TBCA: variants seen among roughly 807,000 people sequenced by gnomAD.
The protein encoded by TBCA is tubulin folding cofactor A.
Under a neutral mutation model 15.8 loss-of-function variants are expected in TBCA, and 6 were observed. The ratio of observed to expected loss-of-function variants is 0.38; its 90% confidence interval spans 0.21 to 0.75. The LOEUF is 0.75. TBCA is among the 30% of genes least tolerant of loss of function. The pLI, the probability that TBCA is intolerant of heterozygous loss-of-function variation, is 0.46. For synonymous variants in TBCA, 32 were observed against 42.3 expected (o/e 0.76, Z 0.94); for missense variants, 90 against 131.2 (o/e 0.69, Z 1.53).
At chr5:77,755,446 G>A (rs930611837) in intron 1 of TBCA, among the ~76,000 whole-genome samples, 3 of 152,078 alleles carry the variant, frequency 2.0e-5, no homozygotes, top group Admixed American at 1.3e-4. Context: ...GTGTGGTGGT[G>A]CACGCCTGTA....
At chr5:77,697,015 T>C (rs1205640891) in intron 2 of TBCA, among the ~76,000 whole-genome samples, 1 of 152,190 alleles carries the variant, frequency 6.6e-6, no homozygotes, top group East Asian at 1.9e-4. Context: ...TGTTACATTA[T>C]CATAAAATTA....
At chr5:77,763,261 A>AAAAT (rs955138867) in intron 1 of TBCA, among the ~76,000 whole-genome samples, 2 of 151,964 alleles carry the variant, frequency 1.3e-5, no homozygotes, top group African/African-American at 2.4e-5. Flanking sequence ...ATAAATAAAT[A>AAAAT]AAATAAATAA....
chr5:77,704,679 A>T (rs1223007452), intron 2 of TBCA, among the ~76,000 whole-genome samples: 2 of 110,370 alleles, frequency 1.8e-5, no homozygotes, highest in South Asian at 3.4e-4. Context: ...TGTATATGAT[A>T]AAAAAAAAGA....
chr5:77,758,939 G>A (rs527299380), intron 1 of TBCA, among the ~76,000 whole-genome samples: 1 of 152,158 alleles, frequency 6.6e-6, no homozygotes, highest in Non-Finnish European at 1.5e-5. Context: ...TCACTTTAGT[G>A]TGACAACCGG....
At chr5:77,693,008 C>G (rs1324332745) in intron 3 of TBCA, 1 of 1,413,384 alleles carries the variant, frequency 7.1e-7, no homozygotes, top group African/African-American at 1.4e-5. Context: ...AATACTGGTA[C>G]TATCATAACT....
chr5:77,722,438 C>T (rs910081229), intron 1 of TBCA, among the ~76,000 whole-genome samples: 4 of 151,856 alleles, frequency 2.6e-5, no homozygotes, highest in East Asian at 1.9e-4. Flanking sequence ...CAAAAGTAAA[C>T]GAAAGTAACA....
intron 3 of TBCA, chr5:77,692,720 C>T: frequency 1.0e-6 from 1 of 989,670 alleles, no homozygotes; most frequent in Non-Finnish European, 1.2e-6. Context: ...GTTATTATTT[C>T]CTGCTTTATC....
chr5:77,760,269 T>C (rs1174374460), intron 1 of TBCA, among the ~76,000 whole-genome samples: 1 of 152,160 alleles, frequency 6.6e-6, no homozygotes, highest in East Asian at 1.9e-4. Context: ...AGGAAGTAAA[T>C]CCCTAGCCAG....
At chr5:77,704,178 C>G (rs1191155654) in intron 2 of TBCA, among the ~76,000 whole-genome samples, 10 of 152,128 alleles carry the variant, frequency 6.6e-5, no homozygotes, top group Admixed American at 6.5e-4. Flanking sequence ...CAAGCTAGCC[C>G]CAGGCTAGTC....
chr5:77,758,911 G>C (rs1276172663), intron 1 of TBCA, among the ~76,000 whole-genome samples: 2 of 152,152 alleles, frequency 1.3e-5, no homozygotes, highest in African/African-American at 4.8e-5. Context: ...GCTGCTCCCT[G>C]CTGTCTGTGA....
chr5:77,717,603 G>A (rs1746426499), intron 1 of TBCA, among the ~76,000 whole-genome samples: 1 of 152,066 alleles, frequency 6.6e-6, no homozygotes, highest in Non-Finnish European at 1.5e-5. Flanking sequence ...GCCAAGGTGG[G>A]CGTATCACCT....
intron 1 of TBCA, among the ~76,000 whole-genome samples, chr5:77,740,510 T>G (rs958328518): frequency 6.6e-6 from 1 of 152,090 alleles, no homozygotes; most frequent in African/African-American, 2.4e-5. Flanking sequence ...CAAAGATAAC[T>G]GGGTAGGTGG....
intron 1 of TBCA, among the ~76,000 whole-genome samples, chr5:77,774,397 A>G (rs1430303907): frequency 1.3e-5 from 2 of 152,160 alleles, no homozygotes; most frequent in Non-Finnish European, 2.9e-5. Flanking sequence ...TTTAAGTCTG[A>G]TAAGAAACAT....
intron 1 of TBCA, among the ~76,000 whole-genome samples, chr5:77,715,793 T>C (rs1490288400): frequency 1.3e-5 from 2 of 152,190 alleles, no homozygotes; most frequent in Non-Finnish European, 2.9e-5. Context: ...TAATGAAAGT[T>C]TGGCATTTTA....
chr5:77,705,757 G>T (rs1746135566), intron 2 of TBCA: 2 of 391,794 alleles, frequency 5.1e-6, no homozygotes, highest in Non-Finnish European at 4.5e-6. Flanking sequence ...GAACCCAGGA[G>T]TTTGAGGCAG....
intron 1 of TBCA, among the ~76,000 whole-genome samples, chr5:77,714,128 C>T (rs1746344560): frequency 6.6e-6 from 1 of 151,984 alleles, no homozygotes. Flanking sequence ...CGAGATCAGC[C>T]TGCCCAACAT....
rs1746193053 is a variant in TBCA, at chr5:77,708,231, T to C, written c.159+11A>G. ...AAATGTTAGCTATTGTTATTTATGA[T>C]ATAATTTTACCTGCTTTTTAATGTC... is the stretch of plus-strand genomic sequence containing the variant. On this transcript the variant is annotated intron_variant, in intron 2 of 3. Transcript: ENST00000380377. The C allele has an allele frequency of 8.0e-7, 1 of 1,252,426 alleles. No individual in the cohort carries two copies. Among genetic ancestry groups the C allele is most frequent in the Non-Finnish European group, 1.1e-6 (1 of 892,296 alleles). The allele number at this position is 1,252,426 out of a possible 1,614,324, so 77.6% of individuals were successfully genotyped here.
chr5:77,708,373 G>T, intron 1 of TBCA, 26 bp from the exon 2 acceptor site: 1 of 1,427,370 alleles, frequency 7.0e-7, no homozygotes. Context: ...AAATGTTTTA[G>T]AAAATTAGCT....
chr5:77,693,034 A>G, intron 3 of TBCA: 5 of 1,426,302 alleles, frequency 3.5e-6, no homozygotes, highest in Non-Finnish European at 4.5e-6. Flanking sequence ...AAATTTAACT[A>G]GCTAAATTTT....
Sources: allele counts gnomAD v4.1 joint callset (sites outside exome capture counted in the v4.1 genomes callset), GRCh38; gene constraint gnomAD v4.1.1; transcripts MANE v1.5; gene names NCBI Gene and HGNC (gene_info 2026-07-23, HGNC 2026-07-21).